Variants in LRP6 observed in about 807,000 individuals in gnomAD.
The protein encoded by LRP6 is low-density lipoprotein receptor-related protein 6.
Under a neutral mutation model 184.1 loss-of-function variants are expected in LRP6, and 43 were observed. The observed-to-expected ratio is 0.23, with a 90% CI of 0.18 to 0.30. LRP6 has a LOEUF of 0.30. LRP6 is among the 10% of genes least tolerant of loss of function. LRP6 has a pLI of 1.00. For missense variants in LRP6, 1,571 were observed against 2,005.3 expected (o/e 0.78, Z 4.14); for synonymous variants, 719 against 684.9 (o/e 1.05, Z -0.78).
Position 12,187,030 on chromosome 12 carries a change from G to C in LRP6, c.737C>G (p.Ser246Cys), listed in dbSNP as rs1863493118. Residue 246 changes from serine to cysteine, a missense_variant, in exon 4 of 23, where the codon TCC (serine) becomes TGC (cysteine). Ser to Cys is a moderately radical substitution (Grantham distance 112). Transcript: ENST00000261349. ...AGTATACTTGTTGCAAGCCAAAATG[G>C]AGTGTGTGCTCCAGTCAGTCCAGTA... Reference protein sequence around the residue: ...ILYWTDWSTHSILACNKYTGE... With the variant: ...ILYWTDWSTHCILACNKYTGE... 1 of 1,614,064 alleles carries C rather than the reference G, an allele frequency of 6.2e-7. No homozygotes were observed. Among genetic ancestry groups the C allele is most frequent in the East Asian group, 2.2e-5 (1 of 44,892 alleles).
At chr12:12,145,629 T>TTC (rs1565557638) in intron 15 of LRP6, among the ~76,000 whole-genome samples, 1 of 41,080 alleles carries the variant, frequency 2.4e-5, no homozygotes, top group African/African-American at 6.9e-5. Context: ...TTTTTCTTTT[T>TTC]TTTTTTTTTT....
chr12:12,123,599 C>A (rs1462641959), intron 22 of LRP6, among the ~76,000 whole-genome samples: 2 of 152,160 alleles, frequency 1.3e-5, no homozygotes, highest in African/African-American at 4.8e-5. Flanking sequence ...GAACCCTGGG[C>A]ACTTCAGTGT....
rs760422999 is a variant in LRP6, at chr12:12,124,561, T to C, written c.4547+4A>G. 19 of 1,585,432 alleles carry C rather than the reference T, an allele frequency of 1.2e-5. No homozygotes were observed. Among genetic ancestry groups the C allele is most frequent in the Non-Finnish European group, 1.6e-5 (19 of 1,154,020 alleles). On this transcript the variant is annotated splice_donor_region_variant and intron_variant, in intron 22 of 22. Transcript: ENST00000261349. ...ACCTTATTTTAGAGAAGGATGTGTA[T>C]TACCTGTATGACCTATGAGTGGAAG... is the stretch of plus-strand genomic sequence containing the variant.
intron 8 of LRP6, 124 bp downstream of exon 8, chr12:12,164,955 A>AAAAAAAAAAAAAAAAAAT: frequency 3.8e-6 from 2 of 528,564 alleles, no homozygotes; most frequent in Non-Finnish European, 6.6e-6. Context: ...AAAAAAAAAA[A>AAAAAAAAAAAAAAAAAAT]GGCGGGGGGG....
intron 7 of LRP6, among the ~76,000 whole-genome samples, chr12:12,178,441 C>T (rs2417085): frequency 0.45 from 68,537 of 151,972 alleles, 18,131 homozygotes; most frequent in East Asian, 0.77. Flanking sequence ...CATTCCCTTA[C>T]GTAAATTTTC....
chr12:12,228,116 A>G (rs944985438), intron 2 of LRP6, among the ~76,000 whole-genome samples: 21 of 152,138 alleles, frequency 1.4e-4, no homozygotes, highest in African/African-American at 5.1e-4. Flanking sequence ...CACACCTGTA[A>G]TCCCAGCCAT....
intron 2 of LRP6, among the ~76,000 whole-genome samples, chr12:12,223,635 A>G (rs1490189377): frequency 6.6e-6 from 1 of 152,218 alleles, no homozygotes; most frequent in African/African-American, 2.4e-5. Flanking sequence ...AATATTAATT[A>G]TACTTTTCTA....
At position 12,147,467 on chromosome 12, in the gene LRP6, C is replaced by T; in HGVS notation, c.3296G>A (p.Ser1099Asn). The stretch of plus-strand genomic sequence containing the variant: ...TAAAGCAATTGGTTTACTTAAGCCA[C>T]TGAAAAAGAGGACCTCCCGTTCTGT... ...DGTEREVLFF[S>N]GLSKPIALAL... Residue 1099 changes from serine to asparagine, a missense_variant, in exon 15 of 23, where the codon AGT (serine) becomes AAT (asparagine). Transcript: ENST00000261349. 6.2e-7 allele frequency: 1 copy of T among 1,614,134 alleles called. No individual in the cohort carries two copies. The highest frequency in any genetic ancestry group is 1.1e-5 in the South Asian group (1 of 91,080).
At chr12:12,251,743 A>G (rs897500966) in intron 1 of LRP6, among the ~76,000 whole-genome samples, 1 of 152,196 alleles carries the variant, frequency 6.6e-6, no homozygotes, top group South Asian at 2.1e-4. Context: ...GAAGGCAAAG[A>G]TTGTGTCTTA....
chr12:12,204,272 TA>T (rs982611803), intron 2 of LRP6, among the ~76,000 whole-genome samples: 2 of 21,780 alleles, frequency 9.2e-5, no homozygotes, highest in Non-Finnish European at 1.7e-4. Flanking sequence ...ATCAATGTCA[TA>T]AAAGTCAAAA....
At chr12:12,251,118 A>G (rs1282458527) in intron 1 of LRP6, among the ~76,000 whole-genome samples, 12 of 151,060 alleles carry the variant, frequency 7.9e-5, no homozygotes, top group South Asian at 2.1e-4. Context: ...TTTTTAGTAG[A>G]GACGTGGTTT....
intron 7 of LRP6, among the ~76,000 whole-genome samples, chr12:12,173,490 A>C (rs564458872): frequency 5.3e-5 from 8 of 151,856 alleles, no homozygotes; most frequent in African/African-American, 1.9e-4. Context: ...CTACAGTTGC[A>C]CACCACAATG....
intron 1 of LRP6, chr12:12,248,841 T>C (rs1463804898): frequency 1.2e-5 from 3 of 255,704 alleles, no homozygotes; most frequent in East Asian, 2.2e-4. Flanking sequence ...TCCCTACCTA[T>C]ATAGAATGTT....
chr12:12,155,247 C>T (rs10466847), intron 12 of LRP6: 61,265 of 730,834 alleles, frequency 0.084, 2,998 homozygotes, highest in Admixed American at 0.12. Flanking sequence ...TGCCATCTTC[C>T]AGTAATTTGC....
At chr12:12,140,913 T>A (rs1565550961) in intron 15 of LRP6, among the ~76,000 whole-genome samples, 1 of 152,166 alleles carries the variant, frequency 6.6e-6, no homozygotes, top group Non-Finnish European at 1.5e-5. Flanking sequence ...ATTAAAAAAA[T>A]AAATCTTAAA....
At chr12:12,163,632 G>A (rs569644581) in intron 9 of LRP6, among the ~76,000 whole-genome samples, 10 of 152,050 alleles carry the variant, frequency 6.6e-5, no homozygotes, top group African/African-American at 9.7e-5. Flanking sequence ...AGTAAATCAC[G>A]AATTTTTTTT....
intron 13 of LRP6, among the ~76,000 whole-genome samples, chr12:12,150,437 T>A (rs182888771): frequency 6.6e-6 from 1 of 152,326 alleles, no homozygotes; most frequent in African/African-American, 2.4e-5. Flanking sequence ...ATAAGAGCTA[T>A]GTGCTTTGCA....
At chr12:12,234,300 A>T (rs1285573693) in intron 2 of LRP6, among the ~76,000 whole-genome samples, 1 of 151,902 alleles carries the variant, frequency 6.6e-6, no homozygotes, top group Non-Finnish European at 1.5e-5. Flanking sequence ...AAAAAAAAAA[A>T]TTAGCAAGGC....
At chr12:12,236,591 G>A (rs541045245) in intron 2 of LRP6, among the ~76,000 whole-genome samples, 6 of 152,058 alleles carry the variant, frequency 3.9e-5, no homozygotes, top group Non-Finnish European at 8.8e-5. Flanking sequence ...TCCCAGTAAC[G>A]GGCTCGGTCC....
Sources: gnomAD v4.1 joint callset for allele counts (sites outside exome capture counted in the v4.1 genomes callset) on GRCh38, gnomAD v4.1.1 for gene constraint, MANE v1.5 for transcripts, NCBI Gene and HGNC (gene_info 2026-07-23, HGNC 2026-07-21) for gene names.